Variants in EIF4G1 observed in about 807,000 individuals in gnomAD.
The protein encoded by EIF4G1 is EIF4-gamma.
In EIF4G1, 4 loss-of-function variants were observed where a neutral mutation model predicts 187.8. That is an observed-to-expected ratio of 0.02 (90% CI 0.01 to 0.05). The LOEUF (loss-of-function observed/expected upper bound fraction) is 0.05. Among genes scored for constraint, EIF4G1 ranks in the 10% least tolerant of loss-of-function variants. The pLI is 1.00. For missense variants in EIF4G1, 1,647 were observed against 2,081.1 expected (o/e 0.79, Z 4.06); for synonymous variants, 844 against 781.4 (o/e 1.08, Z -1.34).
rs375909191 is a variant in EIF4G1 at position 184,322,856 on chromosome 3, C to T, written c.1831C>T (p.Arg611Cys). The change falls in exon 13 of 33, where the codon CGT becomes TGT. Residue 611 changes from arginine (R) to cysteine (C), a missense_variant. By Grantham distance (180) the Arg-to-Cys change is radical. This residue lies in a region of EIF4G1 where 140 missense variants were observed against 222.2 expected (regional missense o/e 0.63). Coordinates refer to ENST00000346169, the MANE Select transcript of EIF4G1 (RefSeq NM_198241.3). ...GCCTCTAAACCTAGAGGAGAAAAAA[C>T]GTTACGACCGTGAGTTCCTGCTTGG... ...WKPLNLEEKKRYDREFLLGFQ... is the reference protein window; with the variant it reads ...WKPLNLEEKKCYDREFLLGFQ... 8.1e-6 allele frequency: 13 copies of T among 1,614,028 alleles called. No homozygotes were observed. Among genetic ancestry groups the T allele is most frequent in the South Asian group, 5.5e-5 (5 of 91,078 alleles).
chr3:184,319,453 G>GTGTGTGTGTGTGTGTGTT (rs1723428116), intron 6 of EIF4G1, among the ~76,000 whole-genome samples: 1 of 74,618 alleles, frequency 1.3e-5, no homozygotes, highest in Non-Finnish European at 2.6e-5. Flanking sequence ...GTGTGTGTGT[G>GTGTGTGTGTGTGTGTGTT]TGTGTGTGTG....
rs375926726 is a variant in EIF4G1 at position 184,323,272 on chromosome 3, G to A, written c.2088+31G>A. The A allele has an allele frequency of 6.2e-7, 1 of 1,613,704 alleles. No homozygotes were observed. Among genetic ancestry groups the A allele is most frequent in the African/African-American group, 1.3e-5 (1 of 74,924 alleles). On this transcript the variant is annotated intron_variant, in intron 14 of 32. Transcript: ENST00000346169. This position sits in a 1 kb window ranked among gnomAD's most constrained non-coding sequence, Gnocchi z 6.9. ...TGGGGCTGGGTAAAGTGGCAGGTGG[G>A]CAAGGAGTGGGAGTGGATGATTCCG...
At chr3:184,331,628 ATAAAGGAAAGG>A (rs753743436) in intron 30 of EIF4G1, 22 bp downstream of exon 30, 1 of 1,424,568 alleles carries the variant, frequency 7.0e-7, no homozygotes, top group East Asian at 2.3e-5. Flanking sequence ...CTGGATATCG[ATAAAGGAAAGG>A]TAGTTCTTAG....
At chr3:184,315,226 C>T (rs1722530841) in intron 1 of EIF4G1, 1 of 384,786 alleles carries the variant, frequency 2.6e-6, no homozygotes, top group East Asian at 7.3e-5. Flanking sequence ...GGCCTGACTC[C>T]CGCCCTTCCT....
chr3:184,325,655 G>A lies in EIF4G1; in HGVS notation c.3121+16G>A, dbSNP rs913419028. 2 of 1,613,976 alleles carry A rather than the reference G, an allele frequency of 1.2e-6. No homozygotes were observed. Among genetic ancestry groups the A allele is most frequent in the East Asian group, 2.2e-5 (1 of 44,894 alleles). On this transcript the variant is annotated intron_variant, in intron 20 of 32. Coordinates refer to ENST00000346169, the MANE Select transcript of EIF4G1 (RefSeq NM_198241.3). The surrounding 1 kb of genome is among the most constrained non-coding windows in gnomAD (Gnocchi z 5.2). ...CCTCCCATCAGTGAGTTCCAAGCTG[G>A]GATTGAGAAGGGAGCAGTGAAGGGA...
chr3:184,324,684 ACTC>A (rs1427631596), intron 17 of EIF4G1, among the ~76,000 whole-genome samples, 191 bp from the exon 18 acceptor site: 13 of 151,034 alleles, frequency 8.6e-5, no homozygotes, highest in East Asian at 2.0e-4. Flanking sequence ...CTGGTCTCAA[ACTC>A]CTCCTGACCT....
At position 184,324,869 on chromosome 3, in the gene EIF4G1, G is replaced by A; in HGVS notation, c.2620-9G>A. On this transcript the variant is annotated splice_polypyrimidine_tract_variant and intron_variant, in intron 17 of 32. Transcript: ENST00000346169. ...CTTTTTGACACAATCCCTGTCCTGT[G>A]AATGGCAGGCAGAGGAACGAGGACG... is the stretch of plus-strand genomic sequence containing the variant. 4 of 1,612,888 alleles carry A rather than the reference G, an allele frequency of 2.5e-6. No homozygotes were observed. The highest frequency in any genetic ancestry group is 3.4e-6 in the Non-Finnish European group (4 of 1,179,864).
Position 184,316,177 on chromosome 3 carries a change from C to T in EIF4G1, c.106C>T (p.Pro36Ser), listed in dbSNP as rs764186000. 1 of 1,614,110 alleles carries T rather than the reference C, an allele frequency of 6.2e-7. No individual in the cohort carries two copies. Among genetic ancestry groups the T allele is most frequent in the Admixed American group, 1.7e-5 (1 of 60,018 alleles). The change falls in exon 4 of 33, where the codon CCA becomes TCA. Residue 36 changes from proline (P) to serine (S), a missense_variant. Physicochemically the swap from Pro to Ser is moderately conservative, Grantham distance 74. Around this residue, in one of 11 missense-constraint regions of EIF4G1, gnomAD observed 61 missense variants for 49.5 expected, o/e 1.23. Coordinates refer to ENST00000346169, the MANE Select transcript of EIF4G1 (RefSeq NM_198241.3). ...GACAGCGCCGGTGGTGTTCAGTACGCCACAAGCGACACAAATGAACACGCC... is the reference window on the plus strand; with the variant it reads ...GACAGCGCCGGTGGTGTTCAGTACGTCACAAGCGACACAAATGAACACGCC... ...GQTAPVVFST[P>S]QATQMNTPSQ...
chr3:184,324,264 C>A lies in EIF4G1; in HGVS notation c.2536C>A (p.Arg846=), dbSNP rs950407170. Residue 846 remains arginine (R), a synonymous_variant, in exon 17 of 33, where the codon CGA becomes AGA. Transcript: ENST00000346169. Reference sequence around the variant, plus strand: ...GAACTTCCGAAAGCTGTTGTTGAATCGATGTCAGAAGGAGTTTGAGAAAGA... The same window carrying A: ...GAACTTCCGAAAGCTGTTGTTGAATAGATGTCAGAAGGAGTTTGAGAAAGA... ...TVNFRKLLLN[R]CQKEFEKDKD... 8 of 1,614,048 alleles carry A rather than the reference C, an allele frequency of 5.0e-6. No individual in the cohort carries two copies. The African/African-American group carries it at 8.0e-5, about 16-fold the overall frequency.
chr3:184,335,205 C>CT lies in EIF4G1; in HGVS notation c.*305dup, dbSNP rs142483258. 0.018 allele frequency: 7,015 copies of CT among 382,596 alleles called. 96 individuals are homozygous for CT. Among genetic ancestry groups the CT allele is most frequent in the Non-Finnish European group, 0.026 (5,386 of 206,812 alleles). 23.7% of individuals were successfully genotyped at this position (382,596 alleles called of 1,614,324 possible). A position where few individuals can be genotyped will look rare whatever the true frequency, so the allele number is the denominator to read the frequency against. ...GGCACCAACGCCTGCCCCTGGGGTC[C>CT]TTTTTTTTATTTTCTGAAAATCACT... On this transcript the variant is annotated 3_prime_UTR_variant, in exon 33 of 33. Transcript: ENST00000346169.
Position 184,334,719 on chromosome 3 carries a change from G to A in EIF4G1, c.4619-8G>A, listed in dbSNP as rs770691824. ...GTCACCTCTAACTGCTGTCCCGCCT[G>A]CTTGCAGACCTGCTGCGGATGTTCT... is the stretch of plus-strand genomic sequence containing the variant. On this transcript the variant is annotated splice_region_variant and splice_polypyrimidine_tract_variant and intron_variant, in intron 32 of 32. Transcript: ENST00000346169. The surrounding 1 kb of genome is among the most constrained non-coding windows in gnomAD (Gnocchi z 5.8). 1 of 1,614,068 alleles carries A rather than the reference G, an allele frequency of 6.2e-7. No homozygotes were observed. The highest frequency in any genetic ancestry group is 1.7e-5 in the Admixed American group (1 of 60,010).
Position 184,325,743 on chromosome 3 carries a change from C to G in EIF4G1, c.3121+104C>G, listed in dbSNP as rs899873324. On this transcript the variant is annotated intron_variant, in intron 20 of 32. Coordinates refer to ENST00000346169, the MANE Select transcript of EIF4G1 (RefSeq NM_198241.3). This position sits in a 1 kb window ranked among gnomAD's most constrained non-coding sequence, Gnocchi z 5.2. ...GTGCCACGTGTCTGGGCCACTGAGA[C>G]ACCATGATGGAACTGAGGATCTGAG... 56 of 1,609,870 alleles carry G rather than the reference C, an allele frequency of 3.5e-5. No individual in the cohort carries two copies. Among genetic ancestry groups the G allele is most frequent in the Non-Finnish European group, 4.4e-5 (52 of 1,176,290 alleles).
At position 184,323,106 on chromosome 3, in the gene EIF4G1, A is replaced by C. The variant is rs367955412; in HGVS notation, c.1953A>C (p.Pro651=). The C allele has an allele frequency of 3.7e-5, 60 of 1,614,084 alleles. No individual in the cohort carries two copies. The highest frequency in any genetic ancestry group is 4.7e-5 in the Non-Finnish European group (55 of 1,180,048). The change falls in exon 14 of 33, where the codon CCA becomes CCC. Residue 651 remains proline, a synonymous_variant. Transcript: ENST00000346169. The surrounding 1 kb of genome is among the most constrained non-coding windows in gnomAD (Gnocchi z 6.9). The part of the protein sequence containing the change: ...LDKANKTPLR[P]LDPTRLQGIN... ...AGGCCAATAAAACACCACTGCGGCC[A>C]CTGGATCCCACTAGACTACAAGGCA...
At chr3:184,320,055 A>G (rs1184870666) in intron 7 of EIF4G1, among the ~76,000 whole-genome samples, 1 of 151,998 alleles carries the variant, frequency 6.6e-6, no homozygotes, top group Non-Finnish European at 1.5e-5. Flanking sequence ...TGGAAGAACT[A>G]TGCTTGGTTT....
chr3:184,319,496 G>T, intron 6 of EIF4G1, 193 bp from the exon 7 acceptor site: 13 of 546,166 alleles, frequency 2.4e-5, no homozygotes, highest in East Asian at 3.5e-5. Context: ...AGGAATTCTT[G>T]TAAACGCAGT....
chr3:184,330,239 CATG>C (rs1725783887), intron 28 of EIF4G1, among the ~76,000 whole-genome samples: 2 of 152,058 alleles, frequency 1.3e-5, no homozygotes, highest in East Asian at 1.9e-4. Context: ...ATTAGCTGGA[CATG>C]GTGGTGCGCA....
At chr3:184,328,815 A>G (rs1327180894) in intron 27 of EIF4G1, 59 bp downstream of exon 27, 1 of 1,613,956 alleles carries the variant, frequency 6.2e-7, no homozygotes, top group African/African-American at 1.3e-5. Context: ...GTGGTAGGGA[A>G]ATGGCTGGGT....
chr3:184,322,241 TA>T, intron 10 of EIF4G1, 120 bp from the exon 11 acceptor site: 1 of 1,534,882 alleles, frequency 6.5e-7, no homozygotes, highest in South Asian at 1.2e-5. Flanking sequence ...CTTTTAAGCC[TA>T]AAAAGGGTGA....
chr3:184,322,017 AAGG>A lies in EIF4G1; in HGVS notation c.1439_1441del (p.Gly480del), dbSNP rs1332177826. 6.8e-6 allele frequency: 11 copies of A among 1,613,988 alleles called. No homozygotes were observed. The highest frequency in any genetic ancestry group is 4.5e-5 in the East Asian group (2 of 44,894). ...GAAGCAGGAGAAGCTGAGAGTGAGAAAGGAGGAGAGGAACTGCTCCCCCCAGAG... is the reference window on the plus strand; with the variant it reads ...GAAGCAGGAGAAGCTGAGAGTGAGAAAGGAGAGGAACTGCTCCCCCCAGAG... On this transcript the variant is annotated inframe_deletion, in exon 10 of 33. Transcript: ENST00000346169.
Sources: gnomAD v4.1 joint callset for allele counts (sites outside exome capture counted in the v4.1 genomes callset) on GRCh38, gnomAD v4.1.1 for gene constraint, gnomAD v4.1.1 regional missense constraint, Gnocchi (gnomAD v3.1) non-coding constraint, MANE v1.5 for transcripts, NCBI Gene and HGNC (gene_info 2026-07-23, HGNC 2026-07-21) for gene names.